The following FOXP1 variants were observed in gnomAD, a reference collection of about 807,000 sequenced individuals.
The protein encoded by FOXP1 is forkhead box P1, also known as forkhead box protein P1.
FOXP1 carries 15 observed loss-of-function variants against 98.2 expected under a neutral mutation model. The observed-to-expected ratio is 0.15, with a 90% confidence interval of 0.10 to 0.24. The LOEUF (loss-of-function observed/expected upper bound fraction) is 0.24, where lower values mean the gene tolerates loss of function less well. FOXP1 is among the 10% of genes least tolerant of loss of function. The pLI, the probability that FOXP1 is intolerant of heterozygous loss-of-function variation, is 1.00. For synonymous variants in FOXP1, 371 were observed against 314.5 expected (o/e 1.18, Z -1.90); for missense variants, 633 against 848.5 (o/e 0.75, Z 3.15).
chr3:71,542,278 C>T (rs1267097273), intron 2 of FOXP1, among the ~76,000 whole-genome samples: 4 of 152,270 alleles, frequency 2.6e-5, no homozygotes, highest in South Asian at 2.1e-4. Context: ...AAGCATATTA[C>T]GATTCTTGCC....
intron 7 of FOXP1, among the ~76,000 whole-genome samples, chr3:71,085,837 C>T (rs1168975802): frequency 6.8e-6 from 1 of 148,136 alleles, no homozygotes; most frequent in African/African-American, 2.5e-5. Flanking sequence ...TCAAGCGATT[C>T]TCCTGCCTCA....
At chr3:71,344,602 C>T (rs2077210343) in intron 4 of FOXP1, among the ~76,000 whole-genome samples, 1 of 152,066 alleles carries the variant, frequency 6.6e-6, no homozygotes, top group Non-Finnish European at 1.5e-5. Flanking sequence ...TTTGGGAGGT[C>T]AAGATGGGCA....
At chr3:71,444,456 C>A (rs1395186478) in intron 3 of FOXP1, among the ~76,000 whole-genome samples, 1 of 151,860 alleles carries the variant, frequency 6.6e-6, no homozygotes, top group Admixed American at 6.6e-5. Context: ...ACAAGCATCA[C>A]CACGACTCAC....
At chr3:71,454,925 G>T (rs1337958161) in intron 3 of FOXP1, among the ~76,000 whole-genome samples, 2 of 152,090 alleles carry the variant, frequency 1.3e-5, no homozygotes, top group African/African-American at 4.8e-5. Context: ...CTTCAAATGT[G>T]CATCTCCTCT....
intron 6 of FOXP1, among the ~76,000 whole-genome samples, chr3:71,129,955 T>A (rs1376296437): frequency 6.6e-6 from 1 of 152,170 alleles, no homozygotes; most frequent in African/African-American, 2.4e-5. Flanking sequence ...ACAATAGGAA[T>A]ATGAATGAGA....
At chr3:71,372,179 AT>A (rs71621938) in intron 3 of FOXP1, among the ~76,000 whole-genome samples, 1,649 of 140,352 alleles carry the variant, frequency 0.012, 24 homozygotes, top group African/African-American at 0.035. Flanking sequence ...TTCCTGGCTA[AT>A]TTTTTTTTTT....
chr3:71,453,884 T>G (rs539077243), intron 3 of FOXP1, among the ~76,000 whole-genome samples: 1 of 152,214 alleles, frequency 6.6e-6, no homozygotes, highest in Non-Finnish European at 1.5e-5. Context: ...TCCCTTTTTA[T>G]GCAAAGAGTA....
At chr3:71,153,026 C>T (rs994088053) in intron 6 of FOXP1, among the ~76,000 whole-genome samples, 2 of 152,362 alleles carry the variant, frequency 1.3e-5, no homozygotes, top group African/African-American at 4.8e-5. Context: ...CAGAGCCCCA[C>T]GCTGGTCCAT....
At chr3:71,066,708 ATGT>A (rs1457493322) in intron 7 of FOXP1, among the ~76,000 whole-genome samples, 2 of 152,254 alleles carry the variant, frequency 1.3e-5, no homozygotes, top group Non-Finnish European at 1.5e-5. Flanking sequence ...TTGAGTTTTA[ATGT>A]TTATAAACAA....
chr3:71,163,906 T>C (rs2061272223), intron 6 of FOXP1, among the ~76,000 whole-genome samples: 1 of 152,100 alleles, frequency 6.6e-6, no homozygotes, highest in Non-Finnish European at 1.5e-5. Context: ...ATAGAAAAGT[T>C]AGAAAGTAGT....
chr3:71,064,157 T>C (rs2051998123), intron 7 of FOXP1, among the ~76,000 whole-genome samples: 2 of 152,308 alleles, frequency 1.3e-5, no homozygotes, highest in Non-Finnish European at 2.9e-5. Context: ...TTCCATTCGC[T>C]CGCTCGCCTG....
chr3:71,292,789 G>T (rs1316102459), intron 5 of FOXP1: 1 of 152,218 alleles, frequency 6.6e-6, no homozygotes, highest in Non-Finnish European at 1.5e-5. Flanking sequence ...GACAAGGGCA[G>T]AAAGACTTCA....
intron 2 of FOXP1, among the ~76,000 whole-genome samples, chr3:71,519,730 T>C (rs901923160): frequency 3.3e-5 from 5 of 152,250 alleles, no homozygotes; most frequent in African/African-American, 1.2e-4. Flanking sequence ...CCAGTGTGTT[T>C]ATACAAGAAT....
chr3:71,492,222 C>T lies in FOXP1; in HGVS notation c.-168+1204G>A, dbSNP rs143771391. 5.6e-3 allele frequency among the ~76,000 whole-genome samples: 848 copies of T among 152,186 alleles called. 28 individuals are homozygous for T. In the South Asian group the frequency reaches 0.091, roughly 16 times the overall value. On this transcript the variant is annotated intron_variant, in intron 3 of 20. Coordinates refer to ENST00000649528, the MANE Select transcript of FOXP1 (RefSeq NM_001349338.3). ...ATCCCAGCACTTTAGGAGGCTGAGACGGGCGGATCACCTGAGGTCAGGAGT... is the reference window on the plus strand; with the variant it reads ...ATCCCAGCACTTTAGGAGGCTGAGATGGGCGGATCACCTGAGGTCAGGAGT...
chr3:70,976,314 A>G (rs1281423049), intron 17 of FOXP1, among the ~76,000 whole-genome samples: 3 of 152,158 alleles, frequency 2.0e-5, no homozygotes, highest in Non-Finnish European at 4.4e-5. Context: ...TTAGCCTCCC[A>G]AAGTGCTGGG....
intron 2 of FOXP1, chr3:71,567,974 TGAAA>T (rs1477652961): frequency 8.9e-6 from 1 of 112,832 alleles, no homozygotes; most frequent in Non-Finnish European, 1.8e-5. Flanking sequence ...AGAAAGAAAA[TGAAA>T]GAAAGGAAGG....
chr3:71,140,439 TC>T (rs879306270), intron 6 of FOXP1, among the ~76,000 whole-genome samples: 3 of 152,214 alleles, frequency 2.0e-5, no homozygotes, highest in Admixed American at 2.0e-4. Context: ...TTTTGGATTT[TC>T]CTGTTAGGGA....
At chr3:71,310,090 CATT>C (rs1200336335) in intron 4 of FOXP1, among the ~76,000 whole-genome samples, 1 of 152,202 alleles carries the variant, frequency 6.6e-6, no homozygotes, top group Non-Finnish European at 1.5e-5. Context: ...AGTCTACAAA[CATT>C]TACTGAGCAA....
At chr3:71,070,592 A>C (rs1287754577) in intron 7 of FOXP1, among the ~76,000 whole-genome samples, 1 of 152,232 alleles carries the variant, frequency 6.6e-6, no homozygotes, top group African/African-American at 2.4e-5. Context: ...GAGACTGATT[A>C]GCTGGTAGGA....
Sources: allele counts gnomAD v4.1 joint callset (sites outside exome capture counted in the v4.1 genomes callset), GRCh38; gene constraint gnomAD v4.1.1; transcripts MANE v1.5; gene names NCBI Gene and HGNC (gene_info 2026-07-23, HGNC 2026-07-21).